Variants in SHISA6 observed in about 807,000 individuals in gnomAD.
The protein encoded by SHISA6 is protein shisa-6.
In SHISA6, 22 loss-of-function variants were observed where a neutral mutation model predicts 47.9. That is an observed-to-expected ratio of 0.46 (90% CI 0.33 to 0.66). The LOEUF is 0.66. Ranked by LOEUF, SHISA6 falls within the 30% of genes least tolerant of loss-of-function variation. The pLI is 0.02. For synonymous variants in SHISA6, 388 were observed against 337.8 expected (o/e 1.15, Z -1.63); for missense variants, 680 against 764.6 (o/e 0.89, Z 1.30).
chr17:11,252,827 G>T (rs911150924), intron 1 of SHISA6, among the ~76,000 whole-genome samples: 1 of 152,236 alleles, frequency 6.6e-6, no homozygotes. Flanking sequence ...ACTTGGGGAA[G>T]AATCTGGATT....
chr17:11,392,791 T>A (rs1312853562), intron 3 of SHISA6, among the ~76,000 whole-genome samples: 1 of 152,238 alleles, frequency 6.6e-6, no homozygotes, highest in East Asian at 1.9e-4. Context: ...GAAGACATTG[T>A]TCCCACAGTG....
chr17:11,243,390 C>G (rs117435130), intron 1 of SHISA6, among the ~76,000 whole-genome samples: 1 of 151,516 alleles, frequency 6.6e-6, no homozygotes, highest in African/African-American at 2.4e-5. Context: ...AGGGTGGGTA[C>G]CTCAAACTCG....
intron 2 of SHISA6, among the ~76,000 whole-genome samples, chr17:11,316,075 T>C (rs928354483): frequency 1.3e-5 from 2 of 152,168 alleles, no homozygotes; most frequent in African/African-American, 4.8e-5. Context: ...TACTGACACA[T>C]TAATTTTCAT....
At chr17:11,361,034 T>C (rs1459115888) in intron 2 of SHISA6, among the ~76,000 whole-genome samples, 1 of 55,150 alleles carries the variant, frequency 1.8e-5, no homozygotes, top group African/African-American at 5.7e-5. Context: ...TTTACTATGA[T>C]CTTTTTTCCT....
intron 2 of SHISA6, among the ~76,000 whole-genome samples, chr17:11,313,634 G>A (rs1910408167): frequency 6.6e-6 from 1 of 152,142 alleles, no homozygotes; most frequent in Non-Finnish European, 1.5e-5. Context: ...CCCTCCCTGG[G>A]GAGGCGGCAT....
At chr17:11,300,464 G>A (rs911468932) in intron 2 of SHISA6, among the ~76,000 whole-genome samples, 5 of 152,064 alleles carry the variant, frequency 3.3e-5, no homozygotes, top group African/African-American at 9.7e-5. Flanking sequence ...TGTTTTCCAG[G>A]CAGCCCTGTC....
At chr17:11,325,874 AT>A (rs2142200221) in intron 2 of SHISA6, among the ~76,000 whole-genome samples, 1 of 152,254 alleles carries the variant, frequency 6.6e-6, no homozygotes, top group East Asian at 1.9e-4. Flanking sequence ...CTAGTTAACA[AT>A]GCCAAAAAAC....
chr17:11,514,031 C>T (rs1184267890), intron 3 of SHISA6, among the ~76,000 whole-genome samples: 2 of 152,168 alleles, frequency 1.3e-5, no homozygotes. Flanking sequence ...TTGCTAGCAG[C>T]ATGCTCTGAC....
chr17:11,356,159 A>T (rs371184605), intron 2 of SHISA6, among the ~76,000 whole-genome samples: 122 of 152,362 alleles, frequency 8.0e-4, no homozygotes, highest in African/African-American at 2.7e-3. Flanking sequence ...TTGTAGAATT[A>T]GCTTAATGAG....
intron 2 of SHISA6, among the ~76,000 whole-genome samples, chr17:11,339,921 A>G (rs1221452011): frequency 2.6e-5 from 4 of 152,196 alleles, no homozygotes; most frequent in African/African-American, 9.6e-5. Context: ...ACTTGCTAGA[A>G]AAGAACCAGG....
In SHISA6 at chr17:11,380,512, T is replaced by C. The variant is rs147091170; in HGVS notation, c.895+1003T>C. ...GTTGCAGAATCAAACTGAGACCAGC[T>C]ATCTCCAGAATGGGAAATGGACTTC... On this transcript the variant is annotated intron_variant, in intron 3 of 5. Coordinates refer to ENST00000441885, the MANE Select transcript of SHISA6 (RefSeq NM_207386.4). 12 of 152,300 alleles carry C rather than the reference T, an allele frequency of 7.9e-5. No homozygotes were observed. In the East Asian group the frequency reaches 2.3e-3, roughly 29 times the overall value. 9.4% of individuals were successfully genotyped at this position (152,300 alleles called of 1,614,324 possible). A position where few individuals can be genotyped will look rare whatever the true frequency, so the allele number is the denominator to read the frequency against.
At chr17:11,341,824 CT>C (rs1157826174) in intron 2 of SHISA6, among the ~76,000 whole-genome samples, 2 of 152,170 alleles carry the variant, frequency 1.3e-5, no homozygotes, top group Non-Finnish European at 2.9e-5. Context: ...ATAGACTGCA[CT>C]TTGATGTCAT....
At chr17:11,550,959 G>GAT (rs2071927314) in intron 3 of SHISA6, among the ~76,000 whole-genome samples, 2 of 152,182 alleles carry the variant, frequency 1.3e-5, no homozygotes, top group South Asian at 4.1e-4. Flanking sequence ...CAGGAAAGAA[G>GAT]GCTTCAGTCA....
chr17:11,374,789 C>T (rs1303732664), intron 2 of SHISA6, among the ~76,000 whole-genome samples: 2 of 151,846 alleles, frequency 1.3e-5, no homozygotes, highest in African/African-American at 4.8e-5. Context: ...TTAAGTAATA[C>T]TAGTACTACT....
At chr17:11,300,102 G>A (rs865941720) in intron 2 of SHISA6, among the ~76,000 whole-genome samples, 4 of 143,160 alleles carry the variant, frequency 2.8e-5, no homozygotes, top group Non-Finnish European at 6.0e-5. Flanking sequence ...CTGAGATCAC[G>A]CCACTGCACT....
chr17:11,316,278 T>C (rs1910512240), intron 2 of SHISA6, among the ~76,000 whole-genome samples: 2 of 152,028 alleles, frequency 1.3e-5, no homozygotes, highest in Admixed American at 1.3e-4. Flanking sequence ...AGTTTTTCTG[T>C]TTTATTTACT....
intron 3 of SHISA6, among the ~76,000 whole-genome samples, chr17:11,547,276 G>C (rs540738623): frequency 6.6e-6 from 1 of 152,148 alleles, no homozygotes; most frequent in South Asian, 2.1e-4. Context: ...TTTTCTCTAA[G>C]TACTCATAAA....
At chr17:11,459,188 C>T (rs1353585386) in intron 3 of SHISA6, among the ~76,000 whole-genome samples, 1 of 147,678 alleles carries the variant, frequency 6.8e-6, no homozygotes, top group African/African-American at 2.5e-5. Context: ...CACTTCACTC[C>T]AGCCCGGGCG....
At chr17:11,435,695 C>G (rs559728507) in intron 3 of SHISA6, among the ~76,000 whole-genome samples, 2 of 152,118 alleles carry the variant, frequency 1.3e-5, no homozygotes, top group Admixed American at 6.6e-5. Context: ...GCCCCAAAGG[C>G]TCATGGGGTT....
Sources: gnomAD v4.1 joint callset for allele counts (sites outside exome capture counted in the v4.1 genomes callset) on GRCh38, gnomAD v4.1.1 for gene constraint, MANE v1.5 for transcripts, NCBI Gene and HGNC (gene_info 2026-07-23, HGNC 2026-07-21) for gene names.